Variants in RFX3 observed in about 807,000 individuals in gnomAD.
RFX3 encodes the protein transcription factor RFX3.
A neutral mutation model predicts 98.6 loss-of-function variants in RFX3; 14 were observed. The ratio of observed to expected loss-of-function variants is 0.14; its 90% confidence interval spans 0.09 to 0.22. RFX3 has a LOEUF of 0.22. Among genes scored for constraint, RFX3 ranks in the 10% least tolerant of loss-of-function variants. The pLI is 1.00. For missense variants in RFX3, 639 were observed against 926.9 expected (o/e 0.69, Z 4.03); for synonymous variants, 383 against 328.4 (o/e 1.17, Z -1.80).
At chr9:3,240,030 T>A (rs1819708047) in intron 15 of RFX3, among the ~76,000 whole-genome samples, 1 of 152,120 alleles carries the variant, frequency 6.6e-6, no homozygotes. Flanking sequence ...TGTCCACAAA[T>A]CTGAGCACAA....
intron 15 of RFX3, among the ~76,000 whole-genome samples, chr9:3,241,129 C>T (rs1030354148): frequency 3.3e-5 from 5 of 152,088 alleles, no homozygotes; most frequent in Non-Finnish European, 7.4e-5. Flanking sequence ...CTGTCGTAAG[C>T]ACCCACAAAA....
chr9:3,398,599 C>G, intron 1 of RFX3, among the ~76,000 whole-genome samples: 1 of 152,142 alleles, frequency 6.6e-6, no homozygotes, highest in East Asian at 1.9e-4. Context: ...CCAGTTATAG[C>G]TTCTCCTTTA....
At chr9:3,373,244 G>A (rs2131585051) in intron 2 of RFX3, among the ~76,000 whole-genome samples, 1 of 152,154 alleles carries the variant, frequency 6.6e-6, no homozygotes, top group Admixed American at 6.5e-5. Flanking sequence ...TCCTCACTCT[G>A]CAATTCAACA....
chr9:3,339,224 T>C (rs561743910), intron 3 of RFX3, among the ~76,000 whole-genome samples: 4 of 152,258 alleles, frequency 2.6e-5, no homozygotes, highest in South Asian at 4.1e-4. Flanking sequence ...AGTGCTATAA[T>C]GGTTTTTGAA....
intron 1 of RFX3, among the ~76,000 whole-genome samples, chr9:3,496,082 A>T (rs868059620): frequency 2.1e-4 from 32 of 152,002 alleles, no homozygotes; most frequent in African/African-American, 6.5e-4. Context: ...CAGTTCTCTT[A>T]TATCAACATT....
At chr9:3,484,590 T>C (rs1461227111) in intron 1 of RFX3, among the ~76,000 whole-genome samples, 2 of 152,244 alleles carry the variant, frequency 1.3e-5, no homozygotes, top group African/African-American at 4.8e-5. Flanking sequence ...TCTCCAGAAG[T>C]TAGTATCTGA....
intron 1 of RFX3, among the ~76,000 whole-genome samples, chr9:3,487,489 A>G (rs1850374571): frequency 6.6e-6 from 1 of 152,216 alleles, no homozygotes; most frequent in South Asian, 2.1e-4. Flanking sequence ...TTGGAAAGCA[A>G]TAAAAGTAAA....
intron 1 of RFX3, chr9:3,490,401 T>C: frequency 1.9e-6 from 1 of 518,982 alleles, no homozygotes; most frequent in Non-Finnish European, 2.5e-6. Context: ...TTTTTTGATA[T>C]GTAGAAGCCA....
chr9:3,306,056 C>T (rs552266383), intron 4 of RFX3, among the ~76,000 whole-genome samples: 11 of 152,074 alleles, frequency 7.2e-5, no homozygotes, highest in African/African-American at 2.6e-4. Context: ...ATATACGTAA[C>T]ACTAAATGAT....
At chr9:3,415,048 TTA>T (rs1283291866) in intron 1 of RFX3, among the ~76,000 whole-genome samples, 33 of 125,252 alleles carry the variant, frequency 2.6e-4, no homozygotes, top group African/African-American at 1.1e-3. Context: ...ATATATATAC[TTA>T]TATATATACT....
chr9:3,485,619 A>T (rs1325021466), intron 1 of RFX3, among the ~76,000 whole-genome samples: 1 of 152,232 alleles, frequency 6.6e-6, no homozygotes, highest in Non-Finnish European at 1.5e-5. Flanking sequence ...CTCAGAATAA[A>T]AGAATTTTAG....
chr9:3,504,491 T>G lies in RFX3; in HGVS notation c.-9+21256A>C, dbSNP rs13291947. On this transcript the variant is annotated intron_variant, in intron 1 of 16. Coordinates refer to ENST00000617270, the MANE Select transcript of RFX3 (RefSeq NM_001282116.2). ...GTATATATTGTATATAAAATATATA[T>G]TATATGCCATATGGTATATATTGCA... Among the ~76,000 whole-genome samples, 395 of 114,956 alleles carry G rather than the reference T, an allele frequency of 3.4e-3. 6 individuals are homozygous for G. The highest frequency in any genetic ancestry group is 0.018 in the East Asian group (51 of 2,772). 75.4% of individuals were successfully genotyped at this position (114,956 alleles called of 152,430 possible).
rs140268984 is a variant in RFX3 at position 3,350,119 on chromosome 9, G to C, written c.118-3355C>G. Among the ~76,000 whole-genome samples, 354 of 152,156 alleles carry C rather than the reference G, an allele frequency of 2.3e-3. 1 individual carries two copies. Among genetic ancestry groups the C allele is most frequent in the African/African-American group, 8.3e-3 (343 of 41,534 alleles). On this transcript the variant is annotated intron_variant, in intron 2 of 16. Coordinates refer to ENST00000617270, the MANE Select transcript of RFX3 (RefSeq NM_001282116.2). ...AATTCATGGAACAAATAATTCACAA[G>C]CTGGATTTCATTAAATGGAAAATTT...
intron 12 of RFX3, among the ~76,000 whole-genome samples, chr9:3,265,205 A>G (rs1352354658): frequency 1.3e-5 from 2 of 152,192 alleles, no homozygotes; most frequent in Non-Finnish European, 2.9e-5. Flanking sequence ...CTGAGGAGCT[A>G]GTTTTTTCAT....
chr9:3,349,528 A>G (rs570991289), intron 2 of RFX3, among the ~76,000 whole-genome samples: 184 of 152,220 alleles, frequency 1.2e-3, no homozygotes, highest in Non-Finnish European at 2.2e-3. Context: ...CAGGCAATAT[A>G]TTTGGACAGA....
chr9:3,277,061 A>G (rs1281267085), intron 8 of RFX3, among the ~76,000 whole-genome samples: 3 of 152,086 alleles, frequency 2.0e-5, no homozygotes, highest in Non-Finnish European at 4.4e-5. Context: ...TTTGATCACA[A>G]AAGCCGAATA....
chr9:3,356,155 T>TGGAAGGAAGGAAGGAAGGAAGGAAGGAA (rs71495494), intron 2 of RFX3, among the ~76,000 whole-genome samples: 12 of 125,750 alleles, frequency 9.5e-5, no homozygotes, highest in African/African-American at 3.8e-4. Flanking sequence ...CTAGAATAAG[T>TGGAAGGAAGGAAGGAAGGAAGGAAGGAA]GGAAGGAAGG....
intron 4 of RFX3, among the ~76,000 whole-genome samples, chr9:3,308,900 A>T (rs1053114929): frequency 6.6e-6 from 1 of 152,132 alleles, no homozygotes; most frequent in Non-Finnish European, 1.5e-5. Context: ...CAGCTCCACT[A>T]ACCAAACTTT....
At chr9:3,451,556 T>C (rs1307219705) in intron 1 of RFX3, among the ~76,000 whole-genome samples, 1 of 151,968 alleles carries the variant, frequency 6.6e-6, no homozygotes, top group Non-Finnish European at 1.5e-5. Flanking sequence ...AATAAATAAG[T>C]TTTGACTGAA....
Sources: gnomAD v4.1 joint callset for allele counts (sites outside exome capture counted in the v4.1 genomes callset) on GRCh38, gnomAD v4.1.1 for gene constraint, MANE v1.5 for transcripts, NCBI Gene and HGNC (gene_info 2026-07-23, HGNC 2026-07-21) for gene names.